Variants in UPF2 observed in about 807,000 individuals in gnomAD.
UPF2 encodes UPF2 regulator of nonsense mediated mRNA decay.
UPF2 carries 17 observed loss-of-function variants against 141.4 expected under a neutral mutation model. The ratio of observed to expected loss-of-function variants is 0.12; its 90% CI spans 0.08 to 0.18. The LOEUF (loss-of-function observed/expected upper bound fraction) is 0.18. Ranked by LOEUF, UPF2 falls within the 10% of genes least tolerant of loss-of-function variation. The probability of loss-of-function intolerance (pLI) is 1.00; values close to 1 mark genes in which losing one functional copy is unlikely to be tolerated. For missense variants in UPF2, 1,152 were observed against 1,515.9 expected, an observed-to-expected ratio of 0.76 and a Z score of 3.99; for synonymous variants, 540 against 498.0, an observed-to-expected ratio of 1.08 and a Z score of -1.12.
chr10:11,978,839 G>C (rs1173742954), intron 9 of UPF2, among the ~76,000 whole-genome samples: 2 of 152,178 alleles, frequency 1.3e-5, no homozygotes, highest in African/African-American at 2.4e-5. Flanking sequence ...GGGGGAACAA[G>C]GTAGCAGGAA....
Position 11,998,162 on chromosome 10 carries a change from A to C in UPF2, c.1759-405T>G, listed in dbSNP as rs558027307. Among the ~76,000 whole-genome samples the C allele has an allele frequency of 6.6e-6, 1 of 152,262 alleles. No individual in the cohort carries two copies. Among genetic ancestry groups the C allele is most frequent in the East Asian group, 1.9e-4 (1 of 5,180 alleles). On this transcript the variant is annotated intron_variant, in intron 7 of 21. Transcript: ENST00000357604. This position sits in a 1 kb window ranked among gnomAD's most constrained non-coding sequence, Gnocchi z 4.5. ...TGGCTCTTTGGATGCTGAGTACTTC[A>C]TTTGAACTAAGAAAACTGGAAAGCC... is the stretch of plus-strand genomic sequence containing the variant.
chr10:11,926,292 G>C (rs1832712140), intron 21 of UPF2, among the ~76,000 whole-genome samples: 1 of 152,162 alleles, frequency 6.6e-6, no homozygotes, highest in Non-Finnish European at 1.5e-5. Context: ...GAGGAGTCTG[G>C]GGCAGGGGCA....
chr10:12,033,426 A>G (rs1834564059), intron 2 of UPF2, among the ~76,000 whole-genome samples: 1 of 152,060 alleles, frequency 6.6e-6, no homozygotes, highest in African/African-American at 2.4e-5. Flanking sequence ...CCCGCTACCA[A>G]GGAGGATGTG....
At chr10:11,945,021 A>G (rs1321533437) in intron 16 of UPF2, among the ~76,000 whole-genome samples, 1 of 152,252 alleles carries the variant, frequency 6.6e-6, no homozygotes, top group African/African-American at 2.4e-5. Flanking sequence ...GGTAATACAA[A>G]TACAGCCCTT....
intron 6 of UPF2, among the ~76,000 whole-genome samples, chr10:12,000,923 G>C (rs1833941011): frequency 1.3e-5 from 2 of 152,104 alleles, no homozygotes; most frequent in Non-Finnish European, 2.9e-5. Context: ...TATAAAGACA[G>C]ACAAAATTAA....
chr10:12,020,684 C>T (rs952863073), intron 3 of UPF2, among the ~76,000 whole-genome samples: 2 of 152,178 alleles, frequency 1.3e-5, no homozygotes, highest in African/African-American at 4.8e-5. Context: ...AGTGCTTTTA[C>T]ACATATGAAT....
At chr10:11,978,196 ACAC>A (rs1280083430) in intron 9 of UPF2, among the ~76,000 whole-genome samples, 1 of 152,180 alleles carries the variant, frequency 6.6e-6, no homozygotes, top group Admixed American at 6.5e-5. Flanking sequence ...GAGCTTGGCA[ACAC>A]TACTGACTGG....
rs1160336883 is a variant in UPF2, at chr10:12,042,056, G to T, written c.-19+699C>A. 6.6e-6 allele frequency among the ~76,000 whole-genome samples: 1 copy of T among 152,100 alleles called. No homozygotes were observed. Among genetic ancestry groups the T allele is most frequent in the Non-Finnish European group, 1.5e-5 (1 of 68,014 alleles). ...CTTGAAGAGGTGAAGGTAAAGTGAA[G>T]AATCAACCAGCCTATGTGATTAAAA... On this transcript the variant is annotated intron_variant, in intron 1 of 21. Coordinates refer to ENST00000357604, the MANE Select transcript of UPF2 (RefSeq NM_015542.4). The surrounding 1 kb of genome is among the most constrained non-coding windows in gnomAD (Gnocchi z 5.5).
At chr10:11,951,783 AAAGT>A (rs1360467863) in intron 15 of UPF2, among the ~76,000 whole-genome samples, 1 of 152,238 alleles carries the variant, frequency 6.6e-6, no homozygotes, top group Non-Finnish European at 1.5e-5. Flanking sequence ...AAAAATTCTA[AAAGT>A]AAGAGAGGTA....
chr10:11,922,132 G>C (rs747899697), intron 21 of UPF2, among the ~76,000 whole-genome samples: 1 of 152,150 alleles, frequency 6.6e-6, no homozygotes, highest in African/African-American at 2.4e-5. Context: ...GGCACCCCCA[G>C]CAGTAGAAGG....
At chr10:12,038,242 G>GC (rs1313748091) in intron 1 of UPF2, among the ~76,000 whole-genome samples, 1 of 151,918 alleles carries the variant, frequency 6.6e-6, no homozygotes, top group Non-Finnish European at 1.5e-5. Context: ...AATTAGCTGG[G>GC]CGTGGTAGCA....
intron 3 of UPF2, 91 bp downstream of exon 3, chr10:12,028,654 A>C: frequency 7.3e-7 from 1 of 1,367,456 alleles, no homozygotes; most frequent in Non-Finnish European, 9.8e-7. Flanking sequence ...GCCCTTTTCC[A>C]TAAGTTCTTT....
At chr10:11,942,940 A>T in intron 17 of UPF2, 124 bp downstream of exon 17, 1 of 965,742 alleles carries the variant, frequency 1.0e-6, no homozygotes, top group African/African-American at 1.6e-5. Flanking sequence ...AAACAAATTG[A>T]AAATGAATTT....
rs143527278 is a variant in UPF2 at position 11,988,657 on chromosome 10, G to A, written c.1844+9015C>T. 1.5e-3 allele frequency among the ~76,000 whole-genome samples: 234 copies of A among 152,288 alleles called. 1 individual carries two copies. The highest frequency in any genetic ancestry group is 5.2e-3 in the African/African-American group (216 of 41,558). On this transcript the variant is annotated intron_variant, in intron 8 of 21. Coordinates refer to ENST00000357604, the MANE Select transcript of UPF2 (RefSeq NM_015542.4). ...AGTCTCAAACAGGCTGGGTGAGTATGGGTGCAGGACGAGGCCAGGATGCCA... is the reference window on the plus strand; with the variant it reads ...AGTCTCAAACAGGCTGGGTGAGTATAGGTGCAGGACGAGGCCAGGATGCCA...
At chr10:11,941,613 C>A (rs1832937406) in intron 18 of UPF2, among the ~76,000 whole-genome samples, 1 of 152,096 alleles carries the variant, frequency 6.6e-6, no homozygotes, top group South Asian at 2.1e-4. Context: ...CTAGCTACCT[C>A]CCCGTTTCTC....
In UPF2 at chr10:11,999,952, A is replaced by G; in HGVS notation, c.1712T>C (p.Phe571Ser). The change falls in exon 7 of 22, where the codon TTC becomes TCC. Residue 571 changes from phenylalanine to serine, a missense_variant. Phe to Ser is a radical substitution (Grantham distance 155). This residue lies in a region of UPF2 where 739 missense variants were observed against 1,032.2 expected (regional missense o/e 0.72). Coordinates refer to ENST00000357604, the MANE Select transcript of UPF2 (RefSeq NM_015542.4). ...GACACAGTTGGGTAACTGCTGTAGG[A>G]AAGCATCTACTATGAGCTTGAGATG... ...GSHLKLIVDA[F>S]LQQLPNCVNR... 2 of 1,613,920 alleles carry G rather than the reference A, an allele frequency of 1.2e-6. No homozygotes were observed. Among genetic ancestry groups the G allele is most frequent in the Non-Finnish European group, 1.7e-6 (2 of 1,179,944 alleles).
intron 8 of UPF2, among the ~76,000 whole-genome samples, chr10:11,989,733 A>G (rs1833748928): frequency 6.6e-6 from 1 of 152,218 alleles, no homozygotes; most frequent in African/African-American, 2.4e-5. Context: ...TAAGAACAAA[A>G]ATGACTTGGC....
rs955957097 is a variant in UPF2 at position 12,042,118 on chromosome 10, G to GAT, written c.-19+635_-19+636dup. ...AAACAGCCCATGCCCACCATCCCCAGATACACCCCAAGCCCCTTCCCCTAC... is the reference window on the plus strand; with the variant it reads ...AAACAGCCCATGCCCACCATCCCCAGATATACACCCCAAGCCCCTTCCCCTAC... On this transcript the variant is annotated intron_variant, in intron 1 of 21. Transcript: ENST00000357604. This position sits in a 1 kb window ranked among gnomAD's most constrained non-coding sequence, Gnocchi z 5.5. Among the ~76,000 whole-genome samples the GAT allele has an allele frequency of 1.3e-5, 2 of 151,598 alleles. No individual in the cohort carries two copies. Among genetic ancestry groups the GAT allele is most frequent in the African/African-American group, 4.8e-5 (2 of 41,244 alleles).
intron 3 of UPF2, among the ~76,000 whole-genome samples, chr10:12,021,303 G>A (rs1834313166): frequency 6.6e-6 from 1 of 151,062 alleles, no homozygotes; most frequent in African/African-American, 2.4e-5. Context: ...GCCAAAGTGG[G>A]AGGATCACTT....
Sources: allele counts gnomAD v4.1 joint callset (sites outside exome capture counted in the v4.1 genomes callset), GRCh38; gene constraint gnomAD v4.1.1; regional missense constraint gnomAD v4.1.1; non-coding constraint Gnocchi (gnomAD v3.1); transcripts MANE v1.5; gene names NCBI Gene and HGNC (gene_info 2026-07-23, HGNC 2026-07-21).